Variants in IFNG-AS1 observed in about 807,000 individuals in gnomAD.
The protein encoded by IFNG-AS1 is IFNG antisense RNA 1 (non-protein coding).
At chr12:68,019,898 G>A (rs2051993) in exon 4 of IFNG-AS1, 43,766 of 151,980 alleles carry the variant, frequency 0.29, 6,579 homozygotes, top group Non-Finnish European at 0.32. Context: ...CCAGCTGGAG[G>A]GTAAGTCAAA....
intron 3 of IFNG-AS1, among the ~76,000 whole-genome samples, chr12:68,014,248 C>T (rs1007323572): frequency 3.9e-5 from 6 of 152,152 alleles, no homozygotes; most frequent in Non-Finnish European, 7.4e-5. Flanking sequence ...CTGCTATAAA[C>T]GTGTGTGCAA....
intron 3 of IFNG-AS1, among the ~76,000 whole-genome samples, chr12:68,013,151 A>G (rs1880071922): frequency 6.6e-6 from 1 of 152,196 alleles, no homozygotes; most frequent in Non-Finnish European, 1.5e-5. Flanking sequence ...TCATTATCCA[A>G]TTTTATTGAA....
At chr12:67,999,977 T>A (rs186081370) in intron 2 of IFNG-AS1, among the ~76,000 whole-genome samples, 22 of 152,320 alleles carry the variant, frequency 1.4e-4, no homozygotes, top group Admixed American at 3.3e-4. Context: ...TCTGTGGTAG[T>A]CTTACTAAAT....
chr12:67,992,418 G>A (rs1011370810), intron 1 of IFNG-AS1, among the ~76,000 whole-genome samples: 12 of 152,234 alleles, frequency 7.9e-5, no homozygotes, highest in East Asian at 1.9e-4. Context: ...GCCCTCTCAC[G>A]TGTTTCCTCC....
rs143502749 is a variant in IFNG-AS1, at chr12:68,011,595, C to T, written n.241+5449C>T. ...TCCCAATATCATCCTTGATTTTGCT[C>T]AATAATAACCTATATTGTTTACTTC... On this transcript the variant is annotated intron_variant and non_coding_transcript_variant, in intron 3 of 5. Coordinates refer to ENST00000536914, the Ensembl canonical transcript of IFNG-AS1. Among the ~76,000 whole-genome samples, 493 of 152,304 alleles carry T rather than the reference C, an allele frequency of 3.2e-3. 4 individuals are homozygous for T. Among genetic ancestry groups the T allele is most frequent in the Non-Finnish European group, 4.5e-3 (306 of 68,020 alleles).
intron 3 of IFNG-AS1, among the ~76,000 whole-genome samples, chr12:68,015,889 G>A (rs995126034): frequency 8.5e-5 from 13 of 152,142 alleles, no homozygotes; most frequent in African/African-American, 3.1e-4. Context: ...TGTAACCTGA[G>A]GCCAAGTTAC....
At chr12:67,993,696 C>T (rs4913390) in intron 1 of IFNG-AS1, among the ~76,000 whole-genome samples, 31,746 of 152,018 alleles carry the variant, frequency 0.21, 3,713 homozygotes, top group East Asian at 0.48. Context: ...GAACAAAAGG[C>T]ACTTATTAAT....
intron 2 of IFNG-AS1, among the ~76,000 whole-genome samples, chr12:68,003,707 G>A (rs964822853): frequency 6.6e-6 from 1 of 152,140 alleles, no homozygotes; most frequent in Non-Finnish European, 1.5e-5. Flanking sequence ...GAGGTCAGGA[G>A]ATCGAGACCA....
chr12:68,020,006 A>G (rs1157302837), intron 4 of IFNG-AS1: 3 of 152,172 alleles, frequency 2.0e-5, no homozygotes, highest in African/African-American at 7.2e-5. Flanking sequence ...AAAAGAAAAG[A>G]GGAAAAGTCA....
chr12:68,004,294 C>G (rs1172152744), intron 2 of IFNG-AS1, among the ~76,000 whole-genome samples: 1 of 152,154 alleles, frequency 6.6e-6, no homozygotes, highest in Non-Finnish European at 1.5e-5. Context: ...ATGGGCTCCC[C>G]CATGATGCAT....
At chr12:68,009,918 A>C (rs952868327) in intron 3 of IFNG-AS1, among the ~76,000 whole-genome samples, 1 of 152,344 alleles carries the variant, frequency 6.6e-6, no homozygotes, top group Middle Eastern at 3.4e-3. Flanking sequence ...GATGAGTTTT[A>C]AAAATAAAAT....
At chr12:68,016,900 G>A (rs1592830558) in intron 3 of IFNG-AS1, among the ~76,000 whole-genome samples, 2 of 152,322 alleles carry the variant, frequency 1.3e-5, no homozygotes, top group Non-Finnish European at 2.9e-5. Flanking sequence ...CTAGGCATAA[G>A]GAATGCCATG....
At chr12:68,016,672 C>T (rs550551112) in intron 3 of IFNG-AS1, among the ~76,000 whole-genome samples, 1 of 152,260 alleles carries the variant, frequency 6.6e-6, no homozygotes, top group East Asian at 1.9e-4. Flanking sequence ...ACTTAATTTC[C>T]TCTTTGCTTT....
chr12:67,994,692 G>T (rs1433055695), intron 1 of IFNG-AS1, among the ~76,000 whole-genome samples: 2 of 152,182 alleles, frequency 1.3e-5, no homozygotes, highest in African/African-American at 2.4e-5. Context: ...AACATCTAGG[G>T]ATCTTATCTG....
intron 2 of IFNG-AS1, among the ~76,000 whole-genome samples, chr12:68,004,983 T>G (rs1338230726): frequency 6.6e-6 from 1 of 152,228 alleles, no homozygotes; most frequent in African/African-American, 2.4e-5. Flanking sequence ...TTTTATATCC[T>G]CTACATATCC....
upstream of IFNG-AS1, chr12:67,989,522 G>C (rs530104402): frequency 1.3e-5 from 2 of 152,156 alleles, no homozygotes; most frequent in African/African-American, 4.8e-5. Context: ...AAAAACTGTA[G>C]TCATTTGGGA....
intron 3 of IFNG-AS1, among the ~76,000 whole-genome samples, chr12:68,007,545 G>A (rs1223858827): frequency 6.6e-6 from 1 of 152,188 alleles, no homozygotes; most frequent in Non-Finnish European, 1.5e-5. Flanking sequence ...TGAAAAAATA[G>A]CTGGTGGAGA....
At chr12:68,011,680 C>A (rs562386007) in intron 3 of IFNG-AS1, among the ~76,000 whole-genome samples, 1 of 152,202 alleles carries the variant, frequency 6.6e-6, no homozygotes, top group Admixed American at 6.5e-5. Flanking sequence ...TCAACAGAAC[C>A]ATCAGACCGC....
intron 2 of IFNG-AS1, among the ~76,000 whole-genome samples, chr12:67,997,561 G>C (rs1157005502): frequency 6.6e-6 from 1 of 150,934 alleles, no homozygotes; most frequent in Admixed American, 6.6e-5. Flanking sequence ...AGAAAACATG[G>C]GTGAATTTCT....
Sources: allele counts gnomAD v4.1 joint callset (sites outside exome capture counted in the v4.1 genomes callset), GRCh38; gene constraint gnomAD v4.1.1; transcripts MANE v1.5; gene names NCBI Gene and HGNC (gene_info 2026-07-23, HGNC 2026-07-21).